Variants in CNTN4 observed in about 807,000 individuals in gnomAD.
The protein encoded by CNTN4 is contactin 4, also known as contactin-4.
In CNTN4, 77 loss-of-function variants were observed where a neutral mutation model predicts 122.5. That is an observed-to-expected ratio of 0.63 (90% CI 0.52 to 0.76). The LOEUF (loss-of-function observed/expected upper bound fraction) is 0.76, where lower values mean the gene tolerates loss of function less well. Ranked by LOEUF, CNTN4 falls within the 30% of genes least tolerant of loss-of-function variation. The pLI is 0.00. For missense variants in CNTN4, 1,256 were observed against 1,259.1 expected (o/e 1.00, Z 0.04); for synonymous variants, 512 against 447.0 (o/e 1.15, Z -1.83).
intron 4 of CNTN4, among the ~76,000 whole-genome samples, chr3:2,705,905 TA>T (rs35783440): frequency 5.2e-5 from 1 of 19,098 alleles, no homozygotes; most frequent in African/African-American, 1.2e-4. Flanking sequence ...AAATATATAT[TA>T]TATATAAAAT....
intron 3 of CNTN4, among the ~76,000 whole-genome samples, chr3:2,524,273 C>A (rs2077322112): frequency 6.6e-6 from 1 of 152,072 alleles, no homozygotes; most frequent in Non-Finnish European, 1.5e-5. Flanking sequence ...TGCTTGGCAT[C>A]CTATTTTCAA....
At chr3:2,477,285 G>A (rs963700896) in intron 3 of CNTN4, among the ~76,000 whole-genome samples, 2 of 152,180 alleles carry the variant, frequency 1.3e-5, no homozygotes, top group Admixed American at 6.5e-5. Context: ...AATGACATCT[G>A]AGGTTTTTGT....
chr3:2,451,457 AAAAAG>A (rs937867291), intron 3 of CNTN4, among the ~76,000 whole-genome samples: 1 of 151,196 alleles, frequency 6.6e-6, no homozygotes, highest in South Asian at 2.1e-4. Flanking sequence ...TTAAAAAAAA[AAAAAG>A]AAAAGACAAC....
intron 4 of CNTN4, among the ~76,000 whole-genome samples, chr3:2,693,314 T>C (rs2085845295): frequency 6.6e-6 from 1 of 152,176 alleles, no homozygotes; most frequent in Admixed American, 6.5e-5. Context: ...AGAACAGAGT[T>C]ATCACAAAAA....
chr3:2,422,712 C>G (rs1249905323), intron 3 of CNTN4, among the ~76,000 whole-genome samples: 1 of 152,156 alleles, frequency 6.6e-6, no homozygotes, highest in Non-Finnish European at 1.5e-5. Context: ...ATACATTTAG[C>G]TCTTTGTCAC....
chr3:2,620,792 T>C (rs188488736), intron 4 of CNTN4, among the ~76,000 whole-genome samples: 10 of 152,250 alleles, frequency 6.6e-5, no homozygotes, highest in African/African-American at 2.4e-4. Flanking sequence ...CCCCCTCCTG[T>C]GTAATTATTC....
intron 2 of CNTN4, among the ~76,000 whole-genome samples, chr3:2,270,979 T>C (rs2041270651): frequency 6.6e-6 from 1 of 152,186 alleles, no homozygotes; most frequent in Non-Finnish European, 1.5e-5. Context: ...TCTCTGTTTT[T>C]CTTTGTATAA....
intron 2 of CNTN4, among the ~76,000 whole-genome samples, chr3:2,315,221 C>A (rs2043053553): frequency 7.0e-6 from 1 of 141,932 alleles, no homozygotes; most frequent in African/African-American, 2.5e-5. Context: ...TTTTTTTTTG[C>A]ACGCTATAAT....
intron 13 of CNTN4, among the ~76,000 whole-genome samples, chr3:2,960,471 C>G (rs2094841456): frequency 6.6e-6 from 1 of 152,078 alleles, no homozygotes; most frequent in African/African-American, 2.4e-5. Context: ...CTTGAGGCTG[C>G]TTATAATACA....
chr3:2,222,647 C>A (rs374579392), intron 2 of CNTN4, among the ~76,000 whole-genome samples: 4 of 151,432 alleles, frequency 2.6e-5, no homozygotes, highest in Non-Finnish European at 4.4e-5. Flanking sequence ...AGAATTTATA[C>A]GCACAACCCC....
At chr3:2,737,777 A>C (rs544119180) in intron 5 of CNTN4, among the ~76,000 whole-genome samples, 1 of 152,342 alleles carries the variant, frequency 6.6e-6, no homozygotes, top group African/African-American at 2.4e-5. Flanking sequence ...ACATGAGAAC[A>C]TCTCCCAGAA....
intron 13 of CNTN4, among the ~76,000 whole-genome samples, chr3:2,927,932 T>G (rs940093823): frequency 1.3e-5 from 2 of 152,220 alleles, no homozygotes; most frequent in African/African-American, 4.8e-5. Flanking sequence ...ACAGTTCTGA[T>G]CCTCGTTCCC....
intron 3 of CNTN4, among the ~76,000 whole-genome samples, chr3:2,415,899 A>G (rs2047394103): frequency 6.6e-6 from 1 of 152,118 alleles, no homozygotes; most frequent in Non-Finnish European, 1.5e-5. Flanking sequence ...CAACTCTAGA[A>G]GCTTAATAAC....
At chr3:2,508,917 G>A (rs1337678569) in intron 3 of CNTN4, among the ~76,000 whole-genome samples, 1 of 152,096 alleles carries the variant, frequency 6.6e-6, no homozygotes, top group Non-Finnish European at 1.5e-5. Context: ...ATTTTAAGTG[G>A]TATATCTCTA....
chr3:2,443,213 G>C (rs952591773), intron 3 of CNTN4, among the ~76,000 whole-genome samples: 3 of 151,826 alleles, frequency 2.0e-5, no homozygotes, highest in African/African-American at 7.3e-5. Flanking sequence ...AGGAAGCCCT[G>C]TGGAAGCCTT....
intron 4 of CNTN4, among the ~76,000 whole-genome samples, chr3:2,728,397 C>T (rs2088392363): frequency 6.6e-6 from 1 of 152,166 alleles, no homozygotes; most frequent in Non-Finnish European, 1.5e-5. Context: ...CTTCTTGGAA[C>T]ATGCTGGTGG....
At chr3:2,621,710 T>C (rs570431005) in intron 4 of CNTN4, among the ~76,000 whole-genome samples, 1 of 152,204 alleles carries the variant, frequency 6.6e-6, no homozygotes, top group East Asian at 1.9e-4. Context: ...CCCCATGGAA[T>C]GAGAACGAAA....
chr3:3,052,957 C>A (rs143586390), intron 23 of CNTN4, among the ~76,000 whole-genome samples: 79 of 152,332 alleles, frequency 5.2e-4, no homozygotes, highest in Middle Eastern at 3.4e-3. Context: ...CTCTGATTAT[C>A]TTTAAGCCTT....
chr3:2,526,984 T>C (rs1348586034), intron 3 of CNTN4, among the ~76,000 whole-genome samples: 1 of 152,178 alleles, frequency 6.6e-6, no homozygotes, highest in Non-Finnish European at 1.5e-5. Context: ...CTCAGACACA[T>C]ACCATTAACC....
Sources: gnomAD v4.1 joint callset for allele counts (sites outside exome capture counted in the v4.1 genomes callset) on GRCh38, gnomAD v4.1.1 for gene constraint, MANE v1.5 for transcripts, NCBI Gene and HGNC (gene_info 2026-07-23, HGNC 2026-07-21) for gene names.